CASK: variants seen among roughly 807,000 people sequenced by gnomAD.
The protein encoded by CASK is calcium/calmodulin dependent serine protein kinase, also known as peripheral plasma membrane protein CASK.
In CASK, 4 loss-of-function variants were observed where a neutral mutation model predicts 82.9. The ratio of observed to expected loss-of-function variants is 0.05; its 90% CI spans 0.02 to 0.11. The LOEUF is 0.11. Among genes scored for constraint, CASK ranks in the 10% least tolerant of loss-of-function variants. CASK has a pLI of 1.00. For missense variants in CASK, 358 were observed against 720.9 expected (o/e 0.50, Z 5.76); for synonymous variants, 259 against 253.5 (o/e 1.02, Z -0.20).
chrX:41,607,459 C>T (rs1416077752), intron 12 of CASK, among the ~76,000 whole-genome samples: 1 of 112,494 alleles, frequency 8.9e-6, no homozygotes, highest in African/African-American at 3.2e-5. Flanking sequence ...TAAACAAAAT[C>T]TCCACACACT....
intron 21 of CASK, among the ~76,000 whole-genome samples, chrX:41,545,361 G>T (rs2065008465): frequency 2.7e-5 from 3 of 112,092 alleles, no homozygotes; most frequent in Non-Finnish European, 5.6e-5. Context: ...TAAAGGAGGG[G>T]TCCAATTCCT....
chrX:41,518,916 G>A lies in CASK; in HGVS notation c.*1504C>T, dbSNP rs1476175345. On this transcript the variant is annotated 3_prime_UTR_variant, in exon 27 of 27. Coordinates refer to ENST00000378163, the MANE Select transcript of CASK (RefSeq NM_001367721.1). ...ATGGAAGAGTTATGAGATGGTTAAT[G>A]TCTCTAAAGCAACAAGGACAGATGA... is the stretch of plus-strand genomic sequence containing the variant. 9.0e-6 allele frequency: 1 copy of A among 111,652 alleles called. No individual in the cohort carries two copies. The highest frequency in any genetic ancestry group is 1.9e-5 in the Non-Finnish European group (1 of 53,156). The allele number at this position is 111,652 out of a possible 1,213,427, so 9.2% of individuals were successfully genotyped here. A position where few individuals can be genotyped will look rare whatever the true frequency, so the allele number is the denominator to read the frequency against.
chrX:41,910,961 T>C (rs1343785041), intron 1 of CASK, among the ~76,000 whole-genome samples: 1 of 111,976 alleles, frequency 8.9e-6, no homozygotes, highest in African/African-American at 3.2e-5. Flanking sequence ...AAAAATGTTA[T>C]GTATGTTGAT....
At chrX:41,616,987 G>A (rs1569343596) in intron 11 of CASK, among the ~76,000 whole-genome samples, 1 of 112,318 alleles carries the variant, frequency 8.9e-6, no homozygotes, top group Non-Finnish European at 1.9e-5. Context: ...TATGATCACC[G>A]GCCCTGAGGA....
At chrX:41,779,287 T>G (rs1487927883) in intron 3 of CASK, among the ~76,000 whole-genome samples, 2 of 112,283 alleles carry the variant, frequency 1.8e-5, no homozygotes, top group Non-Finnish European at 3.8e-5. Context: ...TCTAATAAGC[T>G]TCCCTGGTTG....
chrX:41,868,066 T>A (rs1465268031), intron 1 of CASK, among the ~76,000 whole-genome samples: 1 of 112,373 alleles, frequency 8.9e-6, no homozygotes, highest in African/African-American at 3.2e-5. Context: ...TCCTAATTAA[T>A]GCTGGACTGA....
Position 41,518,043 on chromosome X carries a change from A to C in CASK, c.*2377T>G, listed in dbSNP as rs1262560993. The C allele has an allele frequency of 2.3e-5, 7 of 309,764 alleles. No individual in the cohort carries two copies. The highest frequency in any genetic ancestry group is 1.5e-4 in the South Asian group (2 of 13,352). 25.5% of individuals were successfully genotyped at this position (309,764 alleles called of 1,213,427 possible). On this transcript the variant is annotated 3_prime_UTR_variant, in exon 27 of 27. Coordinates refer to ENST00000378163, the MANE Select transcript of CASK (RefSeq NM_001367721.1). ...TATAAAGCCACTGAGGATGAGTGCT[A>C]CAGTGCTTGTGAATTGTGGGGCCAC...
chrX:41,561,662 A>G lies in CASK; in HGVS notation c.1583-18T>C, dbSNP rs1190340039. 3.8e-6 allele frequency: 4 copies of G among 1,058,521 alleles called. No individual in the cohort carries two copies. The highest frequency in any genetic ancestry group is 5.3e-6 in the Non-Finnish European group (4 of 759,458). 87.2% of individuals were successfully genotyped at this position (1,058,521 alleles called of 1,213,427 possible). On this transcript the variant is annotated intron_variant, in intron 16 of 26. Transcript: ENST00000378163. ...AAGTGTACCTAAGAAATTATATAAC[A>G]TTATAAACATGAAATGATATATGCT...
chrX:41,634,970 G>C (rs2066528712), intron 9 of CASK, among the ~76,000 whole-genome samples: 1 of 111,773 alleles, frequency 8.9e-6, no homozygotes, highest in African/African-American at 3.2e-5. Context: ...CAAAATCAGT[G>C]AGAAGAAAGG....
chrX:41,727,448 A>G, intron 5 of CASK: 2 of 1,210,110 alleles, frequency 1.7e-6, no homozygotes, highest in Non-Finnish European at 2.2e-6. Context: ...TTTTATGGCC[A>G]TTTACTGAAA....
intron 1 of CASK, among the ~76,000 whole-genome samples, chrX:41,894,554 G>A (rs1246683031): frequency 1.0e-5 from 1 of 97,466 alleles, no homozygotes; most frequent in African/African-American, 3.8e-5. Flanking sequence ...CTGTCATGGA[G>A]CATATAGAAA....
At chrX:41,639,794 T>C (rs915040805) in intron 8 of CASK, among the ~76,000 whole-genome samples, 1 of 111,844 alleles carries the variant, frequency 8.9e-6, no homozygotes, top group African/African-American at 3.2e-5. Context: ...TCACTTAGTT[T>C]GCATTTTCTA....
chrX:41,679,689 G>A (rs750000579), intron 5 of CASK, among the ~76,000 whole-genome samples: 1 of 111,089 alleles, frequency 9.0e-6, no homozygotes, highest in African/African-American at 3.3e-5. Flanking sequence ...TTAATCAGTT[G>A]CTGCCTTTAC....
intron 5 of CASK, among the ~76,000 whole-genome samples, chrX:41,704,313 A>G (rs1048401024): frequency 2.7e-5 from 3 of 112,129 alleles, no homozygotes; most frequent in East Asian, 5.5e-4. Flanking sequence ...TGCAGATGAA[A>G]TTATCTTATA....
At chrX:41,727,897 A>G (rs1404953497) in intron 5 of CASK, 2 of 1,206,246 alleles carry the variant, frequency 1.7e-6, no homozygotes, top group Admixed American at 4.4e-5. Flanking sequence ...AATAGAAACA[A>G]AAAACATTCT....
At chrX:41,829,148 A>T (rs1199664182) in intron 2 of CASK, among the ~76,000 whole-genome samples, 1 of 111,344 alleles carries the variant, frequency 9.0e-6, no homozygotes, top group East Asian at 2.8e-4. Flanking sequence ...TTCCCTTCGG[A>T]CAATGTATAC....
At chrX:41,791,157 T>A (rs759817648) in intron 2 of CASK, among the ~76,000 whole-genome samples, 1 of 110,616 alleles carries the variant, frequency 9.0e-6, no homozygotes, top group Non-Finnish European at 1.9e-5. Context: ...AGTACATTTT[T>A]TATTTTAATT....
intron 1 of CASK, among the ~76,000 whole-genome samples, chrX:41,902,283 T>TA (rs1268282938): frequency 8.9e-6 from 1 of 112,014 alleles, no homozygotes; most frequent in Non-Finnish European, 1.9e-5. Flanking sequence ...TTTATTCTCT[T>TA]ACAGTTCTGA....
chrX:41,802,127 A>C (rs2070012027), intron 2 of CASK, among the ~76,000 whole-genome samples: 1 of 111,731 alleles, frequency 9.0e-6, no homozygotes, highest in Non-Finnish European at 1.9e-5. Flanking sequence ...TTCCCTCTTA[A>C]TATTTTTCTG....
Sources: allele counts gnomAD v4.1 joint callset (sites outside exome capture counted in the v4.1 genomes callset), GRCh38; gene constraint gnomAD v4.1.1; transcripts MANE v1.5; gene names NCBI Gene and HGNC (gene_info 2026-07-23, HGNC 2026-07-21).